The following RAB38 variants were observed in gnomAD, a reference collection of about 807,000 sequenced individuals.
The protein encoded by RAB38 is RAB38, member RAS oncogene family.
Under a neutral mutation model 18.4 loss-of-function variants are expected in RAB38, and 15 were observed. The ratio of observed to expected loss-of-function variants is 0.82; its 90% CI spans 0.55 to 1.26. The LOEUF (loss-of-function observed/expected upper bound fraction) is 1.26, where lower values mean the gene tolerates loss of function less well. Among genes scored for constraint, RAB38 ranks in the 50% most tolerant of loss-of-function variants. The probability of loss-of-function intolerance (pLI) is 0.00; values close to 1 mark genes in which losing one functional copy is unlikely to be tolerated. For missense variants in RAB38, 294 were observed against 267.4 expected (o/e 1.10, Z -0.69); for synonymous variants, 101 against 104.4 (o/e 0.97, Z 0.20).
chr11:88,138,470 G>C (rs968276468), intron 2 of RAB38, among the ~76,000 whole-genome samples: 12 of 151,998 alleles, frequency 7.9e-5, no homozygotes, highest in African/African-American at 1.2e-4. Flanking sequence ...TGAGTATGTA[G>C]AAATCTAATA....
At chr11:88,056,777 C>G in the RAB38 span, among the ~76,000 whole-genome samples, 2 of 151,614 alleles carry the variant, frequency 1.3e-5, no homozygotes, top group Non-Finnish European at 2.9e-5. Context: ...GCACTCCAGC[C>G]TAGACAACAG....
At chr11:87,810,186 G>T in the RAB38 span, among the ~76,000 whole-genome samples, 34 of 151,978 alleles carry the variant, frequency 2.2e-4, no homozygotes, top group Admixed American at 4.6e-4. Context: ...ATTTTTTGTT[G>T]AAAATATCCC....
chr11:88,094,242 T>A, the RAB38 span, among the ~76,000 whole-genome samples: 1 of 152,056 alleles, frequency 6.6e-6, no homozygotes, highest in East Asian at 1.9e-4. Flanking sequence ...CCTAGATAGA[T>A]ACACAGCTAC....
At chr11:87,928,379 G>A in the RAB38 span, among the ~76,000 whole-genome samples, 1 of 151,908 alleles carries the variant, frequency 6.6e-6, no homozygotes, top group Non-Finnish European at 1.5e-5. Context: ...ATGAAAAAAT[G>A]GAAAGTTCTT....
the RAB38 span, among the ~76,000 whole-genome samples, chr11:87,883,662 A>G: frequency 7.2e-5 from 11 of 151,940 alleles, no homozygotes; most frequent in Admixed American, 5.2e-4. Flanking sequence ...GGTGTGCCCA[A>G]CTTAATCACT....
At chr11:88,107,053 A>G in the RAB38 span, among the ~76,000 whole-genome samples, 7 of 152,156 alleles carry the variant, frequency 4.6e-5, 1 homozygote, top group East Asian at 1.9e-4. Context: ...TCGTTAAGCT[A>G]AAGTGATGCA....
intron 2 of RAB38, among the ~76,000 whole-genome samples, chr11:88,139,847 G>A (rs771693305): frequency 5.3e-5 from 8 of 152,152 alleles, no homozygotes; most frequent in Non-Finnish European, 1.0e-4. Context: ...TGAAGTCTAG[G>A]CCTGGTCTCA....
chr11:87,926,847 C>T, the RAB38 span, among the ~76,000 whole-genome samples: 1 of 152,038 alleles, frequency 6.6e-6, no homozygotes, highest in Non-Finnish European at 1.5e-5. Context: ...TTCCTTTGCA[C>T]AACGTCACCC....
chr11:87,807,104 G>T, the RAB38 span, among the ~76,000 whole-genome samples: 1 of 152,144 alleles, frequency 6.6e-6, no homozygotes, highest in South Asian at 2.1e-4. Context: ...GATCTAGACT[G>T]CATAGTCCGT....
chr11:88,025,619 A>C, the RAB38 span, among the ~76,000 whole-genome samples: 1 of 152,088 alleles, frequency 6.6e-6, no homozygotes, highest in Non-Finnish European at 1.5e-5. Context: ...GATTTTTCTG[A>C]TAATAAGTGA....
chr11:88,022,688 C>T, the RAB38 span, among the ~76,000 whole-genome samples: 3 of 145,970 alleles, frequency 2.1e-5, no homozygotes, highest in Admixed American at 1.4e-4. Context: ...TAATGGCCTC[C>T]AGCTCCACTC....
the RAB38 span, among the ~76,000 whole-genome samples, chr11:87,931,725 G>A: frequency 6.6e-6 from 1 of 152,102 alleles, no homozygotes; most frequent in Non-Finnish European, 1.5e-5. Flanking sequence ...ATTAACAAGT[G>A]TATTAAGAAC....
chr11:87,970,806 C>G, the RAB38 span, among the ~76,000 whole-genome samples: 44,297 of 151,908 alleles, frequency 0.29, 7,474 homozygotes, highest in Non-Finnish European at 0.38. Flanking sequence ...GAGCTGCAAG[C>G]TGACAGCTGA....
chr11:87,893,336 TAC>T, the RAB38 span, among the ~76,000 whole-genome samples: 17 of 141,812 alleles, frequency 1.2e-4, no homozygotes, highest in Admixed American at 5.2e-4. Context: ...ATATATATTT[TAC>T]ACACACACAC....
At chr11:87,978,182 C>T in the RAB38 span, among the ~76,000 whole-genome samples, 3,230 of 5,574 alleles carry the variant, frequency 0.58, 709 homozygotes, top group Non-Finnish European at 0.59. Flanking sequence ...ATATATACAT[C>T]ATATATAAAT....
At chr11:87,848,442 G>A in the RAB38 span, among the ~76,000 whole-genome samples, 1 of 152,076 alleles carries the variant, frequency 6.6e-6, no homozygotes, top group Non-Finnish European at 1.5e-5. Flanking sequence ...GTCTTTCTTT[G>A]AGCAAATTAA....
At chr11:87,820,513 ATATTT>A in the RAB38 span, among the ~76,000 whole-genome samples, 5 of 152,198 alleles carry the variant, frequency 3.3e-5, no homozygotes, top group African/African-American at 1.2e-4. Context: ...ACAAAGCCAC[ATATTT>A]AAATCAGAGT....
At chr11:87,958,696 A>G in the RAB38 span, among the ~76,000 whole-genome samples, 1 of 152,170 alleles carries the variant, frequency 6.6e-6, no homozygotes, top group Non-Finnish European at 1.5e-5. Flanking sequence ...AAAAGTATCA[A>G]AAGGAATTTT....
rs1943370953 is a variant in RAB38, at chr11:88,175,220, C to T, written c.165G>A (p.Pro55=). ...AGAGCTGCAGGCGCACCACAGTCTC[C>T]GGGTCCCAGTGGAGCACCTTGAGCG... ...DFALKVLHWD[P]ETVVRLQLWD... Residue 55 remains proline (P), a synonymous_variant, in exon 1 of 3, where the codon CCG becomes CCA. Transcript: ENST00000243662. The T allele has an allele frequency of 6.2e-7, 1 of 1,613,472 alleles. No individual in the cohort carries two copies. Among genetic ancestry groups the T allele is most frequent in the Admixed American group, 1.7e-5 (1 of 59,934 alleles).
Sources: gnomAD v4.1 joint callset for allele counts (sites outside exome capture counted in the v4.1 genomes callset) on GRCh38, gnomAD v4.1.1 for gene constraint, MANE v1.5 for transcripts, NCBI Gene and HGNC (gene_info 2026-07-23, HGNC 2026-07-21) for gene names.